Variants in EFHB observed in about 807,000 individuals in gnomAD.
EFHB encodes the protein EF-hand domain-containing family member B.
In EFHB, 91 loss-of-function variants were observed where a neutral mutation model predicts 87.2. That is an observed-to-expected ratio of 1.04 (90% confidence interval 0.88 to 1.24). EFHB has a LOEUF of 1.24. Ranked by LOEUF, EFHB falls within the 50% of genes most tolerant of loss-of-function variation. The probability of loss-of-function intolerance (pLI) is 0.00; values close to 1 mark genes in which losing one functional copy is unlikely to be tolerated. For synonymous variants in EFHB, 325 were observed against 333.6 expected (o/e 0.97, Z 0.28); for missense variants, 1,084 against 998.8 (o/e 1.09, Z -1.15).
intron 1 of EFHB, among the ~76,000 whole-genome samples, chr3:19,923,143 T>G (rs955959684): frequency 5.9e-5 from 9 of 152,050 alleles, no homozygotes; most frequent in African/African-American, 2.2e-4. Flanking sequence ...GGCGCATGCC[T>G]GTAGTCCCAG....
intron 1 of EFHB, chr3:19,942,933 C>T: frequency 5.2e-6 from 1 of 192,544 alleles, no homozygotes; most frequent in South Asian, 9.5e-5. Context: ...CAGTCCAGTA[C>T]CAGTCCATGG....
upstream of EFHB, among the ~76,000 whole-genome samples, chr3:19,934,392 C>A (rs566087468): frequency 5.0e-5 from 1 of 20,156 alleles, no homozygotes; most frequent in Non-Finnish European, 1.2e-4. Flanking sequence ...TTTCTCTCTG[C>A]CCCCCCTTCT....
intron 7 of EFHB, 62 bp downstream of exon 7, chr3:19,899,370 C>A: frequency 8.1e-7 from 1 of 1,232,514 alleles, no homozygotes; most frequent in Non-Finnish European, 1.1e-6. Flanking sequence ...ACAGTTACCA[C>A]AAGAGTATTT....
intron 6 of EFHB, among the ~76,000 whole-genome samples, 180 bp from the exon 7 acceptor site, chr3:19,899,695 A>T (rs1425958469): frequency 6.6e-6 from 1 of 152,220 alleles, no homozygotes; most frequent in Non-Finnish European, 1.5e-5. Flanking sequence ...ATTTACACTA[A>T]AATAAAATAA....
intron 9 of EFHB, 28 bp downstream of exon 9, chr3:19,896,659 T>G (rs946267806): frequency 1.2e-6 from 2 of 1,613,924 alleles, no homozygotes; most frequent in Non-Finnish European, 1.7e-6. Context: ...GCCCATGCAT[T>G]ACCAAAAAGC....
In EFHB at chr3:19,933,301, C is replaced by T. The variant is rs1695894018; in HGVS notation, c.718G>A (p.Val240Met). ...GGTCTGATGCGATCTGGAGGTTCCACTCCTGATTCAATGTTTCCAGCCTCC... is the reference window on the plus strand; with the variant it reads ...GGTCTGATGCGATCTGGAGGTTCCATTCCTGATTCAATGTTTCCAGCCTCC... Reference protein sequence around the residue: ...RKEAGNIESGVEPPDRIRPIY... With the variant: ...RKEAGNIESGMEPPDRIRPIY... The change falls in exon 1 of 13, where the codon GTG becomes ATG. Residue 240 changes from valine (V) to methionine (M), a missense_variant. Transcript: ENST00000295824. The T allele has an allele frequency of 1.2e-6, 2 of 1,613,978 alleles. No individual in the cohort carries two copies. The highest frequency in any genetic ancestry group is 8.5e-7 in the Non-Finnish European group (1 of 1,179,896).
chr3:19,918,868 T>C (rs371277792), intron 3 of EFHB, among the ~76,000 whole-genome samples: 42 of 150,138 alleles, frequency 2.8e-4, no homozygotes, highest in Admixed American at 8.0e-4. Flanking sequence ...TAGTCCCAGC[T>C]ACTCAGGAGT....
chr3:19,891,949 G>A (rs1479332667), intron 9 of EFHB, among the ~76,000 whole-genome samples: 1 of 152,098 alleles, frequency 6.6e-6, no homozygotes, highest in Non-Finnish European at 1.5e-5. Context: ...GGTGAGAGAG[G>A]ACACATCACA....
rs1204919536 is a variant in EFHB, at chr3:19,933,397, T to C, written c.622A>G (p.Thr208Ala). The C allele has an allele frequency of 5.6e-6, 9 of 1,614,018 alleles. No homozygotes were observed. In the South Asian group the frequency reaches 6.6e-5, roughly 12 times the overall value. ...ATCACCAAGCCCATTTGGGGCTCTG[T>C]ATTCTTAGTCTCATCTGGCCCCTCG... ...QAEGPDETKN[T>A]EPQMGLVIEP... Residue 208 changes from threonine to alanine, a missense_variant, in exon 1 of 13, where the codon ACA becomes GCA. Thr to Ala is a moderately conservative substitution (Grantham distance 58, BLOSUM62 0). Transcript: ENST00000295824.
At chr3:19,934,322 T>C, upstream of EFHB, 1 of 1,180,672 alleles carries the variant, frequency 8.5e-7, no homozygotes, top group Non-Finnish European at 1.1e-6. Context: ...TCTCAATCTC[T>C]CTCTCTCTCC....
intron 11 of EFHB, among the ~76,000 whole-genome samples, chr3:19,883,461 A>G (rs1224454316): frequency 1.3e-5 from 2 of 152,170 alleles, no homozygotes; most frequent in African/African-American, 4.8e-5. Context: ...ATCCTCAATC[A>G]TGTCCTTATT....
At chr3:19,943,486 C>A (rs76281386) in intron 1 of EFHB, among the ~76,000 whole-genome samples, 78 of 152,084 alleles carry the variant, frequency 5.1e-4, no homozygotes, top group African/African-American at 1.9e-3. Context: ...GGTATTGAGT[C>A]CCTCCCTATT....
At chr3:19,910,854 C>T (rs1695039934) in intron 5 of EFHB, among the ~76,000 whole-genome samples, 1 of 152,236 alleles carries the variant, frequency 6.6e-6, no homozygotes, top group African/African-American at 2.4e-5. Flanking sequence ...TCCATCAAGG[C>T]AGTACCTCTA....
upstream of EFHB, among the ~76,000 whole-genome samples, chr3:19,935,097 A>C (rs1384270858): frequency 6.6e-6 from 1 of 151,976 alleles, no homozygotes; most frequent in Non-Finnish European, 1.5e-5. Flanking sequence ...CTTGAGTAGA[A>C]ACGGGGTTTC....
At chr3:19,940,848 C>T in intron 1 of EFHB, 1 of 373,424 alleles carries the variant, frequency 2.7e-6, no homozygotes, top group African/African-American at 2.1e-5. Context: ...GACATGCTCA[C>T]CTTCATAAAC....
intron 12 of EFHB, among the ~76,000 whole-genome samples, chr3:19,881,016 T>C (rs1198086732): frequency 6.6e-6 from 1 of 151,968 alleles, no homozygotes; most frequent in East Asian, 1.9e-4. Flanking sequence ...AATTAAAAAA[T>C]CCCCTAGAAA....
intron 12 of EFHB, among the ~76,000 whole-genome samples, 199 bp downstream of exon 12, chr3:19,882,351 G>T (rs1312119357): frequency 6.6e-6 from 1 of 152,078 alleles, no homozygotes; most frequent in African/African-American, 2.4e-5. Context: ...ATATGAATTT[G>T]CTCTTTCTGT....
chr3:19,933,470 GT>G lies in EFHB; in HGVS notation c.548del (p.Asn183ThrfsTer14). The G allele has an allele frequency of 1.2e-6, 2 of 1,614,000 alleles. No homozygotes were observed. The highest frequency in any genetic ancestry group is 2.2e-5 in the South Asian group (2 of 91,086). ...KESTCVLMKP[N>X]TEIKLPVEVD... ...CCTCCACAGGAAGCTTAATCTCTGTGTTGGGTTTCATTAAAACACAGGTAGA... is the reference window on the plus strand; with the variant it reads ...CCTCCACAGGAAGCTTAATCTCTGTGTGGGTTTCATTAAAACACAGGTAGA... On this transcript the variant is annotated frameshift_variant, in exon 1 of 13. Transcript: ENST00000295824. LOFTEE classifies it high-confidence loss of function.
chr3:19,896,772 A>G lies in EFHB; in HGVS notation c.1640T>C (p.Leu547Pro), dbSNP rs948652910. 1 of 1,613,562 alleles carries G rather than the reference A, an allele frequency of 6.2e-7. No individual in the cohort carries two copies. The highest frequency in any genetic ancestry group is 8.5e-7 in the Non-Finnish European group (1 of 1,179,560). Residue 547 changes from leucine (L) to proline (P), a missense_variant, in exon 9 of 13, where the codon CTG becomes CCG. By Grantham distance (98) the Leu-to-Pro change is moderately conservative. Coordinates refer to ENST00000295824, the MANE Select transcript of EFHB (RefSeq NM_144715.4). ...CAGGTGATGCCGAACTGCTGCAATCAGGGCTCGCTGTCTATCCTTGCCTCG... is the reference window on the plus strand; with the variant it reads ...CAGGTGATGCCGAACTGCTGCAATCGGGGCTCGCTGTCTATCCTTGCCTCG... The part of the protein sequence containing the change: ...YLRGKDRQRA[L>P]IAAVRHHLKK...
Sources: gnomAD v4.1 joint callset for allele counts (sites outside exome capture counted in the v4.1 genomes callset) on GRCh38, gnomAD v4.1.1 for gene constraint, MANE v1.5 for transcripts, NCBI Gene and HGNC (gene_info 2026-07-23, HGNC 2026-07-21) for gene names.